The following HHLA2 variants were observed in gnomAD, a reference collection of about 807,000 sequenced individuals.
HHLA2 encodes the protein HERV-H LTR-associating protein 2.
HHLA2 carries 48 observed loss-of-function variants against 45.9 expected under a neutral mutation model. That is an observed-to-expected ratio of 1.05 (90% CI 0.83 to 1.33). The LOEUF (loss-of-function observed/expected upper bound fraction) is 1.33, where lower values mean the gene tolerates loss of function less well. Among genes scored for constraint, HHLA2 ranks in the 40% most tolerant of loss-of-function variants. The pLI, the probability that HHLA2 is intolerant of heterozygous loss-of-function variation, is 0.00. For synonymous variants in HHLA2, 161 were observed against 173.9 expected (o/e 0.93, Z 0.59); for missense variants, 462 against 494.3 (o/e 0.93, Z 0.62).
intron 3 of HHLA2, among the ~76,000 whole-genome samples, chr3:108,332,943 A>C (rs1488143881): frequency 1.3e-5 from 2 of 152,170 alleles, no homozygotes; most frequent in African/African-American, 4.8e-5. Flanking sequence ...CCCCCAAATA[A>C]TATTGATGGT....
At chr3:108,351,015 G>A (rs1347948250) in intron 3 of HHLA2, among the ~76,000 whole-genome samples, 1 of 152,176 alleles carries the variant, frequency 6.6e-6, no homozygotes, top group East Asian at 1.9e-4. Context: ...CTTTCTTTTA[G>A]AGATTTTAAA....
At chr3:108,353,153 T>C (rs2081811098) in intron 4 of HHLA2, among the ~76,000 whole-genome samples, 1 of 152,218 alleles carries the variant, frequency 6.6e-6, no homozygotes, top group South Asian at 2.1e-4. Flanking sequence ...GATAAGATTA[T>C]TGATCAAGTG....
intron 3 of HHLA2, among the ~76,000 whole-genome samples, chr3:108,349,841 G>C (rs1411415302): frequency 6.6e-6 from 1 of 152,200 alleles, no homozygotes; most frequent in Non-Finnish European, 1.5e-5. Flanking sequence ...CTGGAAAAGA[G>C]ATGAGAACAG....
At chr3:108,348,432 T>G (rs9829684) in intron 3 of HHLA2, among the ~76,000 whole-genome samples, 102,845 of 152,010 alleles carry the variant, frequency 0.68, 35,671 homozygotes, top group African/African-American at 0.77. Flanking sequence ...GTAGGACATT[T>G]TAAAGTGGGA....
At chr3:108,357,739 T>C in intron 6 of HHLA2, 105 bp from the exon 6 acceptor site, 1 of 895,580 alleles carries the variant, frequency 1.1e-6, no homozygotes, top group Non-Finnish European at 1.7e-6. Flanking sequence ...TATTTCCAAA[T>C]ATATCAGTAT....
At chr3:108,321,421 G>A (rs55941812) in intron 2 of HHLA2, among the ~76,000 whole-genome samples, 15,842 of 152,080 alleles carry the variant, frequency 0.1, 1,567 homozygotes, top group East Asian at 0.53. Flanking sequence ...CTGCCCTCCC[G>A]TTTGGGAGTT....
At chr3:108,333,810 A>G (rs2081427608) in intron 3 of HHLA2, among the ~76,000 whole-genome samples, 1 of 152,118 alleles carries the variant, frequency 6.6e-6, no homozygotes. Context: ...AGTGCAAACC[A>G]TTGCTGAATG....
At chr3:108,361,731 G>A (rs1396304310) in intron 7 of HHLA2, among the ~76,000 whole-genome samples, 1 of 152,040 alleles carries the variant, frequency 6.6e-6, no homozygotes, top group Admixed American at 6.6e-5. Flanking sequence ...GATAAGGCGG[G>A]GGACTACTGT....
rs76453006 is a variant in HHLA2, at chr3:108,305,611, C to T, written c.-191-5044C>T. Among the ~76,000 whole-genome samples, 459 of 152,130 alleles carry T rather than the reference C, an allele frequency of 3.0e-3. 7 individuals carry two copies. The highest frequency in any genetic ancestry group is 0.011 in the African/African-American group (442 of 41,504). On this transcript the variant is annotated intron_variant, in intron 1 of 10. Coordinates refer to ENST00000619531, the Ensembl canonical transcript of HHLA2. ...TGCTGTATAGAGTTCCATTCCATTCCAGAAGTATCAGGAGGAACCAGACAC... is the reference window on the plus strand; with the variant it reads ...TGCTGTATAGAGTTCCATTCCATTCTAGAAGTATCAGGAGGAACCAGACAC...
chr3:108,342,276 T>TC (rs2081586186), intron 3 of HHLA2, among the ~76,000 whole-genome samples: 1 of 148,058 alleles, frequency 6.8e-6, no homozygotes, highest in East Asian at 2.0e-4. Flanking sequence ...TTTTTTTTTT[T>TC]TTTTGAGATG....
At chr3:108,322,230 G>A (rs961682340) in intron 2 of HHLA2, among the ~76,000 whole-genome samples, 2 of 152,178 alleles carry the variant, frequency 1.3e-5, no homozygotes, top group African/African-American at 2.4e-5. Flanking sequence ...GTCACTGGAG[G>A]GTGATACAGG....
intron 5 of HHLA2, 86 bp downstream of exon 4, chr3:108,353,866 C>A: frequency 1.1e-6 from 1 of 942,522 alleles, no homozygotes; most frequent in Non-Finnish European, 1.6e-6. Flanking sequence ...ATGCCATGAG[C>A]TTCCTTCCAA....
chr3:108,328,585 C>G (rs558728122), intron 3 of HHLA2, among the ~76,000 whole-genome samples: 57 of 152,168 alleles, frequency 3.7e-4, no homozygotes, highest in Non-Finnish European at 6.3e-4. Flanking sequence ...GGCTTTGAAT[C>G]CAAGTAGTAA....
chr3:108,307,889 C>A (rs529124011), intron 1 of HHLA2, among the ~76,000 whole-genome samples: 2 of 151,772 alleles, frequency 1.3e-5, no homozygotes, highest in Non-Finnish European at 2.9e-5. Flanking sequence ...TTTGTGGGTA[C>A]ATAACAGGTA....
chr3:108,372,334 G>C (rs1301302858), intron 8 of HHLA2, among the ~76,000 whole-genome samples: 1 of 151,074 alleles, frequency 6.6e-6, no homozygotes, highest in South Asian at 2.1e-4. Flanking sequence ...GCAGTGTGTA[G>C]AGGGAAATTT....
chr3:108,351,827 C>G, exon 4 of HHLA2: 1 of 1,612,960 alleles, frequency 6.2e-7, no homozygotes. Context: ...AAGGCACAGA[C>G]AGCACTGTCT....
At chr3:108,352,450 G>A (rs1239383570) in intron 4 of HHLA2, among the ~76,000 whole-genome samples, 2 of 152,206 alleles carry the variant, frequency 1.3e-5, no homozygotes, top group African/African-American at 4.8e-5. Context: ...CTGTGACAGA[G>A]CCACTTGGGC....
At chr3:108,306,697 AC>A (rs2080936078) in intron 1 of HHLA2, among the ~76,000 whole-genome samples, 1 of 152,190 alleles carries the variant, frequency 6.6e-6, no homozygotes, top group African/African-American at 2.4e-5. Context: ...AGTTAGGCCA[AC>A]TTTTTTAACA....
Position 108,340,909 on chromosome 3 carries a change from TTCCTTCCTTCC to T in HHLA2, c.-26-10877_-26-10867del, listed in dbSNP as rs762445143. ...CAAACTCTTTTCTTTTTTTTTTTTT[TTCCTTCCTTCC>T]TTCCTTCCTTCCTTCCTTCCTTCCT... On this transcript the variant is annotated intron_variant, in intron 3 of 10. Transcript: ENST00000619531. Among the ~76,000 whole-genome samples, 54 of 62,546 alleles carry T rather than the reference TTCCTTCCTTCC, an allele frequency of 8.6e-4. 2 individuals carry two copies. Among genetic ancestry groups the T allele is most frequent in the South Asian group, 7.2e-3 (15 of 2,092 alleles). 41.0% of individuals were successfully genotyped at this position (62,546 alleles called of 152,430 possible).
Sources: allele counts gnomAD v4.1 joint callset (sites outside exome capture counted in the v4.1 genomes callset), GRCh38; gene constraint gnomAD v4.1.1; transcripts MANE v1.5; gene names NCBI Gene and HGNC (gene_info 2026-07-23, HGNC 2026-07-21).